ADGRG6: variants seen among roughly 807,000 people sequenced by gnomAD.
The protein encoded by ADGRG6 is G-protein coupled receptor 126.
Under a neutral mutation model 142.4 loss-of-function variants are expected in ADGRG6, and 84 were observed. The observed-to-expected ratio is 0.59, with a 90% CI of 0.49 to 0.71. The LOEUF is 0.71. Among genes scored for constraint, ADGRG6 ranks in the 30% least tolerant of loss-of-function variants. The pLI, the probability that ADGRG6 is intolerant of heterozygous loss-of-function variation, is 0.00. For synonymous variants in ADGRG6, 521 were observed against 520.5 expected (o/e 1.00, Z -0.01); for missense variants, 1,367 against 1,466.6 (o/e 0.93, Z 1.11).
intron 2 of ADGRG6, among the ~76,000 whole-genome samples, chr6:142,326,909 G>A (rs1778806418): frequency 6.6e-6 from 1 of 151,986 alleles, no homozygotes; most frequent in South Asian, 2.1e-4. Context: ...TTTACTTTAA[G>A]AATCCTTTTA....
At chr6:142,438,711 A>T (rs886666787) in intron 24 of ADGRG6, among the ~76,000 whole-genome samples, 1 of 152,194 alleles carries the variant, frequency 6.6e-6, no homozygotes, top group East Asian at 1.9e-4. Flanking sequence ...ATTTCAGCAT[A>T]GTATGATAAT....
chr6:142,311,915 G>T (rs1252369265), intron 2 of ADGRG6, among the ~76,000 whole-genome samples: 2 of 151,824 alleles, frequency 1.3e-5, no homozygotes, highest in Non-Finnish European at 2.9e-5. Flanking sequence ...CTATCCTCCT[G>T]TTCTCTCCTA....
intron 14 of ADGRG6, chr6:142,405,416 A>G (rs1022534164): frequency 7.0e-5 from 38 of 540,124 alleles, no homozygotes; most frequent in African/African-American, 5.4e-4. Context: ...TATACTTGAA[A>G]ATGTTGACTG....
chr6:142,370,345 A>G lies in ADGRG6; in HGVS notation c.621A>G (p.Ala207=), dbSNP rs199847780. Residue 207 remains alanine, a synonymous_variant, in exon 4 of 25, where the codon GCA becomes GCG. Coordinates refer to ENST00000367609, the MANE Select transcript of ADGRG6 (RefSeq NM_198569.3). The stretch of plus-strand genomic sequence containing the variant: ...GGACAGCTTTCTCCTACTCAAATGC[A>G]TCCTTCACACAATTGCTCAGTTTTG... ...SDWTAFSYSN[A]SFTQLLSFGK... is the part of the protein sequence containing the mutation. 1.9e-6 allele frequency: 3 copies of G among 1,613,692 alleles called. No individual in the cohort carries two copies. The African/African-American group carries it at 4.0e-5, about 22-fold the overall frequency.
chr6:142,347,703 A>G (rs1441195864), intron 2 of ADGRG6, among the ~76,000 whole-genome samples: 1 of 152,148 alleles, frequency 6.6e-6, no homozygotes, highest in Non-Finnish European at 1.5e-5. Flanking sequence ...GTCTGGTAAC[A>G]GTCAAGTCTT....
At chr6:142,408,461 G>T (rs1332842420) in intron 16 of ADGRG6, among the ~76,000 whole-genome samples, 192 bp downstream of exon 16, 2 of 152,114 alleles carry the variant, frequency 1.3e-5, no homozygotes, top group Non-Finnish European at 2.9e-5. Flanking sequence ...GGAGAGGTTA[G>T]TCTTATCTAG....
chr6:142,409,733 T>C (rs1775987573), intron 16 of ADGRG6, 141 bp from the exon 17 acceptor site: 2 of 491,034 alleles, frequency 4.1e-6, no homozygotes, highest in East Asian at 6.6e-5. Flanking sequence ...TCCCCCTAAA[T>C]TGCCTACATT....
chr6:142,411,202 A>G lies in ADGRG6; in HGVS notation c.2435-103A>G, dbSNP rs2115053343. 6 of 698,366 alleles carry G rather than the reference A, an allele frequency of 8.6e-6. 1 individual carries two copies. The highest frequency in any genetic ancestry group is 7.9e-5 in the South Asian group (5 of 63,054). 43.3% of individuals were successfully genotyped at this position (698,366 alleles called of 1,614,324 possible). Reference sequence around the variant, plus strand: ...TATCCATTTTACAGATAAACTCTGTATGGCAGAAGAGACTGAGGCAAATTT... The same window carrying G: ...TATCCATTTTACAGATAAACTCTGTGTGGCAGAAGAGACTGAGGCAAATTT... On this transcript the variant is annotated intron_variant, in intron 17 of 24. Transcript: ENST00000367609.
At chr6:142,354,995 G>A (rs536415111) in intron 2 of ADGRG6, among the ~76,000 whole-genome samples, 5 of 152,206 alleles carry the variant, frequency 3.3e-5, no homozygotes, top group South Asian at 2.1e-4. Flanking sequence ...TTATCTTAGC[G>A]AATAACTTAT....
chr6:142,377,355 C>G (rs922954196), intron 4 of ADGRG6, among the ~76,000 whole-genome samples: 8 of 152,212 alleles, frequency 5.3e-5, no homozygotes, highest in Admixed American at 1.3e-4. Flanking sequence ...GAGAGAGCAG[C>G]CTCCTCCCCT....
intron 14 of ADGRG6, among the ~76,000 whole-genome samples, chr6:142,404,742 G>A (rs952793741): frequency 1.3e-5 from 2 of 152,124 alleles, no homozygotes; most frequent in Admixed American, 1.3e-4. Context: ...AGTAGGTCCT[G>A]GGTAGGCCCA....
chr6:142,411,496 T>A, intron 18 of ADGRG6, 85 bp downstream of exon 18: 4 of 759,260 alleles, frequency 5.3e-6, no homozygotes, highest in Non-Finnish European at 9.7e-6. Flanking sequence ...TTAGATTATG[T>A]ATTTTGGGAA....
intron 14 of ADGRG6, 162 bp from the exon 15 acceptor site, chr6:142,405,526 G>A (rs1240029382): frequency 1.5e-6 from 1 of 683,678 alleles, no homozygotes. Flanking sequence ...GTCTGTAGGG[G>A]TTTATCCAGG....
chr6:142,427,019 G>C (rs943905534), intron 22 of ADGRG6, among the ~76,000 whole-genome samples: 15 of 152,168 alleles, frequency 9.9e-5, no homozygotes, highest in Non-Finnish European at 4.4e-5. Context: ...GTGATGGGAA[G>C]GGCTACTGCA....
At chr6:142,310,682 C>T (rs927936706) in intron 2 of ADGRG6, among the ~76,000 whole-genome samples, 3 of 151,772 alleles carry the variant, frequency 2.0e-5, no homozygotes, top group Non-Finnish European at 2.9e-5. Flanking sequence ...CAGTTATTTA[C>T]TTGCAAAATC....
intron 2 of ADGRG6, among the ~76,000 whole-genome samples, chr6:142,348,387 T>A (rs1008670069): frequency 2.0e-5 from 3 of 152,112 alleles, no homozygotes; most frequent in Non-Finnish European, 4.4e-5. Context: ...ATGAGATAGG[T>A]CATTTATCCA....
In ADGRG6 at chr6:142,438,334, ACCACCT is replaced by A; in HGVS notation, c.3545_3550del (p.Thr1182_Tyr1184delinsAsn). ...TACATCCAAATCTAAATCCAGCTCT[ACCACCT>A]ATTTCAAAAGGAATAGCCACACAGG... On this transcript the variant is annotated inframe_deletion, in exon 24 of 25. Coordinates refer to ENST00000367609, the MANE Select transcript of ADGRG6 (RefSeq NM_198569.3). The A allele has an allele frequency of 6.2e-7, 1 of 1,609,604 alleles. No individual in the cohort carries two copies. Among genetic ancestry groups the A allele is most frequent in the South Asian group, 1.1e-5 (1 of 90,390 alleles).
At chr6:142,432,630 G>A (rs1013093108) in intron 22 of ADGRG6, among the ~76,000 whole-genome samples, 10 of 152,070 alleles carry the variant, frequency 6.6e-5, no homozygotes, top group Non-Finnish European at 1.3e-4. Context: ...CTTAAAAATA[G>A]GCAATGTCAT....
intron 2 of ADGRG6, among the ~76,000 whole-genome samples, chr6:142,364,567 A>C (rs1780862795): frequency 6.6e-6 from 1 of 152,228 alleles, no homozygotes; most frequent in African/African-American, 2.4e-5. Context: ...AACTTCCAGG[A>C]CTTTCCAATA....
Sources: allele counts gnomAD v4.1 joint callset (sites outside exome capture counted in the v4.1 genomes callset), GRCh38; gene constraint gnomAD v4.1.1; transcripts MANE v1.5; gene names NCBI Gene and HGNC (gene_info 2026-07-23, HGNC 2026-07-21).